The following PAFAH1B1 variants were observed in gnomAD, a reference collection of about 807,000 sequenced individuals.
PAFAH1B1 encodes the protein platelet-activating factor acetylhydrolase IB subunit beta.
A neutral mutation model predicts 57.5 loss-of-function variants in PAFAH1B1; 2 were observed. That is an observed-to-expected ratio of 0.03 (90% CI 0.01 to 0.11). The LOEUF (loss-of-function observed/expected upper bound fraction) is 0.11, where lower values mean the gene tolerates loss of function less well. Among genes scored for constraint, PAFAH1B1 ranks in the 10% least tolerant of loss-of-function variants. PAFAH1B1 has a pLI of 1.00. For synonymous variants in PAFAH1B1, 152 were observed against 169.6 expected (o/e 0.90, Z 0.81); for missense variants, 257 against 512.0 (o/e 0.50, Z 4.81).
chr17:2,660,009 G>A (rs1172562412), intron 2 of PAFAH1B1, among the ~76,000 whole-genome samples: 1 of 152,170 alleles, frequency 6.6e-6, no homozygotes, highest in African/African-American at 2.4e-5. Context: ...CCGGGGTGGT[G>A]TGAGAGATGT....
At chr17:2,621,607 CTTTTTTTTTTTTTTTTTTTT>C (rs534219431) in intron 1 of PAFAH1B1, among the ~76,000 whole-genome samples, 22 of 84,780 alleles carry the variant, frequency 2.6e-4, no homozygotes, top group Admixed American at 4.5e-4. Context: ...GATAATCTGT[CTTTTTTTTTTTTTTTTTTTT>C]TTTTTTTTTT....
At chr17:2,620,642 T>TC (rs2151622337) in intron 1 of PAFAH1B1, among the ~76,000 whole-genome samples, 1 of 152,228 alleles carries the variant, frequency 6.6e-6, no homozygotes, top group African/African-American at 2.4e-5. Flanking sequence ...GGTCGGTAGA[T>TC]CACAAGGTCA....
Position 2,685,447 on chromosome 17 carries a change from T to C in PAFAH1B1, c.*3645T>C, listed in dbSNP as rs556060748. ...GATTGTTAAGAGTTCACTGAAGATA[T>C]TGACACAATTTTAAAAAATCAGTAA... On this transcript the variant is annotated 3_prime_UTR_variant, in exon 11 of 11. Transcript: ENST00000397195. 27 of 152,724 alleles carry C rather than the reference T, an allele frequency of 1.8e-4. No individual in the cohort carries two copies. Among genetic ancestry groups the C allele is most frequent in the African/African-American group, 6.0e-4 (25 of 41,548 alleles). The allele number at this position is 152,724 out of a possible 1,614,324, so 9.5% of individuals were successfully genotyped here.
rs2068049820 is a variant in PAFAH1B1 at position 2,593,767 on chromosome 17, GC to G, written c.-429del. The G allele has an allele frequency of 2.6e-6, 1 of 389,928 alleles. No individual in the cohort carries two copies. The highest frequency in any genetic ancestry group is 4.5e-5 in the Admixed American group (1 of 22,356). 24.2% of individuals were successfully genotyped at this position (389,928 alleles called of 1,614,324 possible). On this transcript the variant is annotated 5_prime_UTR_variant, in exon 1 of 11. Transcript: ENST00000397195. The stretch of plus-strand genomic sequence containing the variant: ...GGGAGCGAGAAGGAGAAGGAGGGGA[GC>G]GCTCGGGCGCGAGCGAGAGAAACCG...
At chr17:2,616,853 A>G (rs554695703) in intron 1 of PAFAH1B1, among the ~76,000 whole-genome samples, 1 of 152,018 alleles carries the variant, frequency 6.6e-6, no homozygotes, top group East Asian at 1.9e-4. Context: ...CACGAGGTCA[A>G]GAGATCGAGA....
At chr17:2,664,686 C>CTT (rs1202166658) in intron 2 of PAFAH1B1, among the ~76,000 whole-genome samples, 2 of 126,320 alleles carry the variant, frequency 1.6e-5, no homozygotes, top group African/African-American at 6.1e-5. Flanking sequence ...CTCTCTCTCT[C>CTT]TCTCTCTTTC....
At chr17:2,644,609 G>A (rs2068742775) in intron 2 of PAFAH1B1, among the ~76,000 whole-genome samples, 2 of 152,168 alleles carry the variant, frequency 1.3e-5, no homozygotes, top group African/African-American at 4.8e-5. Flanking sequence ...ATACCTTAAT[G>A]TATTCAACCA....
At chr17:2,626,558 C>CCT (rs2068494222) in intron 1 of PAFAH1B1, among the ~76,000 whole-genome samples, 1 of 37,972 alleles carries the variant, frequency 2.6e-5, no homozygotes, top group Admixed American at 1.9e-4. Context: ...TTTCTTCCCC[C>CCT]CCCCCCCCCC....
At position 2,667,021 on chromosome 17, in the gene PAFAH1B1, A is replaced by C; in HGVS notation, c.222A>C (p.Glu74Asp). ...TGGAATTAGAATCAAAGCTAAATGA[A>C]GCAAAAGAAGAATTTACGTCAGGTG... ...KVMELESKLN[E>D]AKEEFTSGGP... The change falls in exon 5 of 11, where the codon GAA (glutamate) becomes GAC (aspartate). Residue 74 changes from glutamate (E) to aspartate (D), a missense_variant. Physicochemically the swap from Glu to Asp is conservative, Grantham distance 45 (BLOSUM62 2). Coordinates refer to ENST00000397195, the MANE Select transcript of PAFAH1B1 (RefSeq NM_000430.4). The C allele has an allele frequency of 2.5e-6, 4 of 1,613,864 alleles. No individual in the cohort carries two copies. Among genetic ancestry groups the C allele is most frequent in the Non-Finnish European group, 3.4e-6 (4 of 1,179,736 alleles).
intron 1 of PAFAH1B1, among the ~76,000 whole-genome samples, chr17:2,611,915 T>C (rs961910082): frequency 1.3e-5 from 2 of 152,106 alleles, no homozygotes; most frequent in African/African-American, 4.8e-5. Flanking sequence ...AGGTGGTTAC[T>C]CTGTGTTCGC....
At chr17:2,678,346 G>T (rs1034346454) in intron 9 of PAFAH1B1, among the ~76,000 whole-genome samples, 6 of 147,424 alleles carry the variant, frequency 4.1e-5, no homozygotes, top group African/African-American at 1.3e-4. Context: ...AGGTTGCAGT[G>T]AGCCAAGATC....
At chr17:2,629,951 C>G (rs1337786557) in intron 1 of PAFAH1B1, among the ~76,000 whole-genome samples, 1 of 152,094 alleles carries the variant, frequency 6.6e-6, no homozygotes, top group Non-Finnish European at 1.5e-5. Flanking sequence ...TTTTCCACCC[C>G]TTTACTTTAA....
chr17:2,652,413 TCAAA>T (rs2068874171), intron 2 of PAFAH1B1, among the ~76,000 whole-genome samples: 1 of 152,014 alleles, frequency 6.6e-6, no homozygotes, highest in African/African-American at 2.4e-5. Flanking sequence ...AGACTCCGTC[TCAAA>T]CAAAACAAAA....
chr17:2,647,381 A>G (rs2068783189), intron 2 of PAFAH1B1, among the ~76,000 whole-genome samples: 1 of 151,552 alleles, frequency 6.6e-6, no homozygotes, highest in Non-Finnish European at 1.5e-5. Flanking sequence ...TAAAAATACA[A>G]AAATTAGCTG....
rs770011553 is a variant in PAFAH1B1 at position 2,606,810 on chromosome 17, C to CTTTTTTTTTTTTTTTTTTTT, written c.-191+12812_-191+12831dup. Among the ~76,000 whole-genome samples the CTTTTTTTTTTTTTTTTTTTT allele has an allele frequency of 1.8e-4, 18 of 101,714 alleles. 8 individuals are homozygous for CTTTTTTTTTTTTTTTTTTTT. The highest frequency in any genetic ancestry group is 2.1e-4 in the Admixed American group (2 of 9,610). The allele number at this position is 101,714 out of a possible 152,430, so 66.7% of individuals were successfully genotyped here. On this transcript the variant is annotated intron_variant, in intron 1 of 10. Coordinates refer to ENST00000397195, the MANE Select transcript of PAFAH1B1 (RefSeq NM_000430.4). Reference sequence around the variant, plus strand: ...ACATTTTGTCATATTTGCCTCAGAGCTTTTTTTTTTTTTTTTTTTTTTTTT... The same window carrying CTTTTTTTTTTTTTTTTTTTT: ...ACATTTTGTCATATTTGCCTCAGAGCTTTTTTTTTTTTTTTTTTTTTTTTTTTTTTTTTTTTTTTTTTTTT...
Position 2,684,643 on chromosome 17 carries a change from A to G in PAFAH1B1, c.*2841A>G, listed in dbSNP as rs770807787. 1.3e-5 allele frequency: 2 copies of G among 152,660 alleles called. No homozygotes were observed. Among genetic ancestry groups the G allele is most frequent in the Non-Finnish European group, 2.9e-5 (2 of 68,076 alleles). The allele number at this position is 152,660 out of a possible 1,614,324, so 9.5% of individuals were successfully genotyped here. On this transcript the variant is annotated 3_prime_UTR_variant, in exon 11 of 11. Coordinates refer to ENST00000397195, the MANE Select transcript of PAFAH1B1 (RefSeq NM_000430.4). ...GGAGACTGGTTTAGACACCGCGTGGAGCCTAGTTGCCTGTTGTCACGGCAT... is the reference window on the plus strand; with the variant it reads ...GGAGACTGGTTTAGACACCGCGTGGGGCCTAGTTGCCTGTTGTCACGGCAT...
At chr17:2,671,258 G>A (rs909128184) in intron 6 of PAFAH1B1, among the ~76,000 whole-genome samples, 22 of 152,058 alleles carry the variant, frequency 1.4e-4, no homozygotes, top group African/African-American at 5.1e-4. Context: ...GCCCAGGCTG[G>A]AGTGCAGTGG....
chr17:2,627,955 T>C (rs1378925676), intron 1 of PAFAH1B1, among the ~76,000 whole-genome samples: 1 of 152,232 alleles, frequency 6.6e-6, no homozygotes, highest in East Asian at 1.9e-4. Flanking sequence ...CCGAATTCTT[T>C]TATCAGTTCT....
intron 2 of PAFAH1B1, among the ~76,000 whole-genome samples, chr17:2,649,112 G>A (rs956987458): frequency 8.7e-5 from 13 of 149,564 alleles, no homozygotes; most frequent in African/African-American, 3.2e-4. Context: ...TTGGGATGTC[G>A]AGGCTGAGAC....
Sources: gnomAD v4.1 joint callset for allele counts (sites outside exome capture counted in the v4.1 genomes callset) on GRCh38, gnomAD v4.1.1 for gene constraint, MANE v1.5 for transcripts, NCBI Gene and HGNC (gene_info 2026-07-23, HGNC 2026-07-21) for gene names.